SPPL3: variants seen among roughly 807,000 people sequenced by gnomAD.
SPPL3 encodes signal peptide peptidase-like 3.
SPPL3 carries 5 observed loss-of-function variants against 42.4 expected under a neutral mutation model. The observed-to-expected ratio is 0.12, with a 90% confidence interval of 0.06 to 0.25. SPPL3 has a LOEUF of 0.25. Ranked by LOEUF, SPPL3 falls within the 10% of genes least tolerant of loss-of-function variation. The pLI is 1.00. For missense variants in SPPL3, 235 were observed against 489.0 expected (o/e 0.48, Z 4.90); for synonymous variants, 195 against 181.8 (o/e 1.07, Z -0.58).
At chr12:120,842,763 T>A (rs532276472) in intron 1 of SPPL3, among the ~76,000 whole-genome samples, 18 of 151,964 alleles carry the variant, frequency 1.2e-4, no homozygotes, top group Non-Finnish European at 1.8e-4. Flanking sequence ...AAGGCCCCCA[T>A]CTCTTACACC....
rs890189273 is a variant in SPPL3, at chr12:120,895,710, C to T, written c.23+8135G>A. On this transcript the variant is annotated intron_variant, in intron 1 of 10. Coordinates refer to ENST00000353487, the MANE Select transcript of SPPL3 (RefSeq NM_139015.5). ...CAGCGTGCTTTCACGGAGCACTTTG[C>T]AATGCATGAAGCATTTTTATGTGCA... Among the ~76,000 whole-genome samples the T allele has an allele frequency of 2.0e-5, 3 of 151,526 alleles. No homozygotes were observed. In the Admixed American group the frequency reaches 2.0e-4, roughly 10 times the overall value.
intron 1 of SPPL3, among the ~76,000 whole-genome samples, chr12:120,812,637 T>C (rs1216791557): frequency 6.6e-6 from 1 of 152,020 alleles, no homozygotes; most frequent in Non-Finnish European, 1.5e-5. Flanking sequence ...AAAGATCAGG[T>C]AGAAGAAGGA....
chr12:120,786,047 G>T (rs1869712554), intron 3 of SPPL3, among the ~76,000 whole-genome samples: 1 of 151,970 alleles, frequency 6.6e-6, no homozygotes, highest in African/African-American at 2.4e-5. Flanking sequence ...ATTTAAATTT[G>T]CCTGTCCCCA....
At chr12:120,885,849 C>CTTTT (rs142907503) in intron 1 of SPPL3, among the ~76,000 whole-genome samples, 3 of 121,594 alleles carry the variant, frequency 2.5e-5, no homozygotes, top group South Asian at 2.6e-4. Context: ...AACATTAAAA[C>CTTTT]TTTTTTTTTT....
intron 1 of SPPL3, among the ~76,000 whole-genome samples, chr12:120,876,311 G>T (rs975791760): frequency 2.6e-5 from 4 of 152,044 alleles, no homozygotes; most frequent in African/African-American, 9.7e-5. Flanking sequence ...AGGGAAATTA[G>T]AAAATATTTT....
intron 1 of SPPL3, among the ~76,000 whole-genome samples, chr12:120,853,038 G>A (rs1872315711): frequency 6.6e-6 from 1 of 151,578 alleles, no homozygotes; most frequent in Admixed American, 6.6e-5. Flanking sequence ...GGGATTACAG[G>A]CACCCGCCAC....
intron 3 of SPPL3, among the ~76,000 whole-genome samples, chr12:120,789,867 G>A (rs973860863): frequency 1.1e-4 from 16 of 146,900 alleles, no homozygotes; most frequent in Non-Finnish European, 7.4e-5. Context: ...GTATTACCAG[G>A]TAACTTCTTT....
chr12:120,772,270 C>A (rs1322861861), intron 6 of SPPL3, among the ~76,000 whole-genome samples: 1 of 152,174 alleles, frequency 6.6e-6, no homozygotes, highest in Non-Finnish European at 1.5e-5. Context: ...GATCCACCCA[C>A]CCCGGCCTCC....
At chr12:120,865,152 C>T (rs1872722127) in intron 1 of SPPL3, among the ~76,000 whole-genome samples, 1 of 152,228 alleles carries the variant, frequency 6.6e-6, no homozygotes, top group African/African-American at 2.4e-5. Flanking sequence ...TCAACAGTTA[C>T]CCAGTTGATC....
chr12:120,810,196 A>G (rs913999468), intron 2 of SPPL3, among the ~76,000 whole-genome samples: 2 of 152,068 alleles, frequency 1.3e-5, no homozygotes, highest in Non-Finnish European at 2.9e-5. Context: ...TGCCCAGGCT[A>G]GTCTTGAACT....
chr12:120,893,479 T>C (rs755754069), intron 1 of SPPL3, among the ~76,000 whole-genome samples: 2 of 152,144 alleles, frequency 1.3e-5, no homozygotes, highest in Non-Finnish European at 2.9e-5. Context: ...GACCCTGCTG[T>C]CTGTACCAAC....
chr12:120,803,883 C>T (rs948687530), intron 2 of SPPL3, among the ~76,000 whole-genome samples: 2 of 116,392 alleles, frequency 1.7e-5, no homozygotes, highest in African/African-American at 2.5e-5. Flanking sequence ...AAAAGGGTAG[C>T]TCAAAAGTTA....
chr12:120,818,858 CATAA>C (rs1870963850), intron 1 of SPPL3, among the ~76,000 whole-genome samples: 1 of 152,128 alleles, frequency 6.6e-6, no homozygotes, highest in Admixed American at 6.6e-5. Context: ...TACATGTTAA[CATAA>C]ATAACATTTT....
chr12:120,884,427 T>C (rs1479424151), intron 1 of SPPL3, among the ~76,000 whole-genome samples: 2 of 152,072 alleles, frequency 1.3e-5, no homozygotes, highest in Non-Finnish European at 2.9e-5. Flanking sequence ...CTATATGTAA[T>C]GCCCAAAAGG....
chr12:120,852,890 C>CAT (rs201028941), intron 1 of SPPL3, among the ~76,000 whole-genome samples: 18 of 8,758 alleles, frequency 2.1e-3, no homozygotes, highest in East Asian at 0.019. Flanking sequence ...ATATATATTT[C>CAT]ATATATATAT....
chr12:120,809,796 TTAATAG>T (rs1371478632), intron 2 of SPPL3, among the ~76,000 whole-genome samples: 2 of 152,128 alleles, frequency 1.3e-5, no homozygotes, highest in Non-Finnish European at 2.9e-5. Context: ...CACAACCCTA[TTAATAG>T]TAAGATGAAC....
At chr12:120,862,745 G>A (rs928331180) in intron 1 of SPPL3, among the ~76,000 whole-genome samples, 2 of 152,084 alleles carry the variant, frequency 1.3e-5, no homozygotes, top group African/African-American at 2.4e-5. Context: ...CATTACACAG[G>A]CATGATTGAT....
intron 1 of SPPL3, among the ~76,000 whole-genome samples, chr12:120,899,072 A>G (rs1238909713): frequency 6.6e-6 from 1 of 152,220 alleles, no homozygotes; most frequent in Non-Finnish European, 1.5e-5. Context: ...TCAAATTAAT[A>G]AAAGTCTAGT....
At chr12:120,839,392 A>G (rs899153519) in intron 1 of SPPL3, among the ~76,000 whole-genome samples, 1 of 149,226 alleles carries the variant, frequency 6.7e-6, no homozygotes, top group Non-Finnish European at 1.5e-5. Context: ...TAGCATTAGG[A>G]GATATACCTA....
Sources: gnomAD v4.1 joint callset for allele counts (sites outside exome capture counted in the v4.1 genomes callset) on GRCh38, gnomAD v4.1.1 for gene constraint, MANE v1.5 for transcripts, NCBI Gene and HGNC (gene_info 2026-07-23, HGNC 2026-07-21) for gene names.